ZFHX3: variants seen among roughly 807,000 people sequenced by gnomAD.
The protein encoded by ZFHX3 is zinc finger homeobox 3.
In ZFHX3, 42 loss-of-function variants were observed where a neutral mutation model predicts 279.1. The ratio of observed to expected loss-of-function variants is 0.15; its 90% CI spans 0.12 to 0.19. The LOEUF is 0.19. Among genes scored for constraint, ZFHX3 ranks in the 10% least tolerant of loss-of-function variants. The pLI, the probability that ZFHX3 is intolerant of heterozygous loss-of-function variation, is 1.00. For synonymous variants in ZFHX3, 2,293 were observed against 1,957.8 expected, an observed-to-expected ratio of 1.17 and a Z score of -4.52; for missense variants, 4,981 against 4,754.0, an observed-to-expected ratio of 1.05 and a Z score of -1.40.
intron 1 of ZFHX3, among the ~76,000 whole-genome samples, chr16:73,719,386 T>C (rs1399396816): frequency 2.0e-5 from 3 of 152,236 alleles, no homozygotes; most frequent in African/African-American, 7.2e-5. Flanking sequence ...TTTTGGAATC[T>C]GGTTACACTG....
chr16:72,962,084 G>A (rs1252543476), intron 1 of ZFHX3, among the ~76,000 whole-genome samples: 1 of 152,192 alleles, frequency 6.6e-6, no homozygotes, highest in Non-Finnish European at 1.5e-5. Context: ...GGGCGGGAGG[G>A]TTAACAGCCC....
At chr16:73,197,369 T>C (rs1232115037) in intron 5 of ZFHX3, among the ~76,000 whole-genome samples, 1 of 152,170 alleles carries the variant, frequency 6.6e-6, no homozygotes, top group African/African-American at 2.4e-5. Context: ...GCACATGAAG[T>C]AGAGGACAAG....
chr16:73,434,897 G>A (rs2017971190), intron 3 of ZFHX3, among the ~76,000 whole-genome samples: 1 of 152,188 alleles, frequency 6.6e-6, no homozygotes, highest in South Asian at 2.1e-4. Flanking sequence ...ACGGGGCATT[G>A]CAAGTAAGAG....
intron 8 of ZFHX3, among the ~76,000 whole-genome samples, chr16:73,088,142 A>AT (rs5817831): frequency 6.7e-5 from 10 of 149,412 alleles, no homozygotes; most frequent in Non-Finnish European, 1.2e-4. Flanking sequence ...CTTTCATTTC[A>AT]TTTTTTTTTT....
At chr16:73,784,975 T>G (rs182294206) in intron 1 of ZFHX3, among the ~76,000 whole-genome samples, 5 of 152,022 alleles carry the variant, frequency 3.3e-5, no homozygotes. Context: ...TCTTCTGGTA[T>G]TTGCCTCCAT....
At chr16:73,841,847 A>T (rs993972087) in intron 1 of ZFHX3, among the ~76,000 whole-genome samples, 2 of 152,114 alleles carry the variant, frequency 1.3e-5, no homozygotes, top group African/African-American at 4.8e-5. Context: ...TTAAAAATAC[A>T]CTTTCTTTGC....
chr16:73,430,239 T>C (rs1567481800), intron 3 of ZFHX3, among the ~76,000 whole-genome samples: 1 of 152,088 alleles, frequency 6.6e-6, no homozygotes, highest in Non-Finnish European at 1.5e-5. Context: ...TGGCTTGAGG[T>C]TGCCAGGTAC....
chr16:73,046,034 G>A (rs992582913), intron 1 of ZFHX3, among the ~76,000 whole-genome samples: 1 of 152,160 alleles, frequency 6.6e-6, no homozygotes, highest in African/African-American at 2.4e-5. Context: ...AACTATGCTG[G>A]AAACACCATG....
At chr16:73,241,610 G>A (rs1227250290) in intron 5 of ZFHX3, among the ~76,000 whole-genome samples, 1 of 151,982 alleles carries the variant, frequency 6.6e-6, no homozygotes, top group Non-Finnish European at 1.5e-5. Flanking sequence ...GACCAACATG[G>A]AGAAACCCCG....
chr16:72,889,714 C>G lies in ZFHX3; in HGVS notation c.3448+17G>C. ...CCAGGCCCAACCTGGGCCTCCCATG[C>G]CTGTGAGACCACTCACCTGGGTCCG... On this transcript the variant is annotated intron_variant, in intron 4 of 9. Coordinates refer to ENST00000268489, the MANE Select transcript of ZFHX3 (RefSeq NM_006885.4). 3.1e-6 allele frequency: 5 copies of G among 1,609,722 alleles called. No individual in the cohort carries two copies. Among genetic ancestry groups the G allele is most frequent in the Non-Finnish European group, 4.2e-6 (5 of 1,178,648 alleles).
intron 1 of ZFHX3, among the ~76,000 whole-genome samples, chr16:73,002,813 T>C (rs1336665539): frequency 1.3e-5 from 2 of 152,214 alleles, no homozygotes; most frequent in African/African-American, 4.8e-5. Flanking sequence ...GCCAGTGCTA[T>C]TTAAGTGATT....
At chr16:73,674,139 C>A (rs1196166661) in intron 2 of ZFHX3, among the ~76,000 whole-genome samples, 1 of 152,158 alleles carries the variant, frequency 6.6e-6, no homozygotes, top group South Asian at 2.1e-4. Flanking sequence ...AGTATGAAAG[C>A]AGTGCTTTGC....
intron 7 of ZFHX3, among the ~76,000 whole-genome samples, chr16:73,114,034 G>A (rs961205837): frequency 1.3e-5 from 2 of 151,860 alleles, no homozygotes; most frequent in Non-Finnish European, 2.9e-5. Context: ...CTGACCTTGT[G>A]ATCTGCTCGC....
intron 2 of ZFHX3, among the ~76,000 whole-genome samples, chr16:73,512,789 G>T (rs916739556): frequency 7.9e-5 from 12 of 152,318 alleles, no homozygotes; most frequent in African/African-American, 2.6e-4. Context: ...GGGTCAGGAG[G>T]TGGGAATGTT....
At chr16:73,794,019 C>T (rs1024369420) in intron 1 of ZFHX3, 7 of 152,100 alleles carry the variant, frequency 4.6e-5, no homozygotes, top group African/African-American at 7.2e-5. Flanking sequence ...TTACATGACA[C>T]GAGATTGGCC....
At chr16:73,344,686 CAGAGAGAGACAGAGAGAG>C (rs554434291) in intron 3 of ZFHX3, among the ~76,000 whole-genome samples, 150 of 152,108 alleles carry the variant, frequency 9.9e-4, no homozygotes, top group African/African-American at 3.4e-3. Flanking sequence ...TATATATCTA[CAGAGAGAGACAGAGAGAG>C]AGAGAGAGAC....
intron 2 of ZFHX3, among the ~76,000 whole-genome samples, chr16:73,602,782 T>TA (rs1008374752): frequency 4.1e-5 from 6 of 147,162 alleles, no homozygotes; most frequent in Non-Finnish European, 7.5e-5. Context: ...CCATCTCTAC[T>TA]AAAAAAATAC....
At chr16:73,676,942 T>C (rs2052961145) in intron 2 of ZFHX3, among the ~76,000 whole-genome samples, 1 of 151,946 alleles carries the variant, frequency 6.6e-6, no homozygotes. Flanking sequence ...CAACACTGAC[T>C]CTCAGAATGA....
At chr16:73,667,309 C>A (rs1361181726) in intron 2 of ZFHX3, among the ~76,000 whole-genome samples, 6 of 152,292 alleles carry the variant, frequency 3.9e-5, no homozygotes, top group Non-Finnish European at 7.3e-5. Flanking sequence ...ACTATTTATC[C>A]ATTCACTAGT....
Sources: allele counts gnomAD v4.1 joint callset (sites outside exome capture counted in the v4.1 genomes callset), GRCh38; gene constraint gnomAD v4.1.1; transcripts MANE v1.5; gene names NCBI Gene and HGNC (gene_info 2026-07-23, HGNC 2026-07-21).